The following MED13L variants were observed in gnomAD, a reference collection of about 807,000 sequenced individuals.
MED13L encodes mediator of RNA polymerase II transcription subunit 13-like.
A neutral mutation model predicts 220.9 loss-of-function variants in MED13L; 7 were observed. The observed-to-expected ratio is 0.03, with a 90% CI of 0.02 to 0.06. The LOEUF (loss-of-function observed/expected upper bound fraction) is 0.06. MED13L is among the 10% of genes least tolerant of loss of function. The pLI, the probability that MED13L is intolerant of heterozygous loss-of-function variation, is 1.00. For synonymous variants in MED13L, 1,011 were observed against 1,015.2 expected, an observed-to-expected ratio of 1.00 and a Z score of 0.08; for missense variants, 1,965 against 2,760.5, an observed-to-expected ratio of 0.71 and a Z score of 6.46.
intron 3 of MED13L, chr12:116,110,399 T>C (rs1156882134): frequency 6.6e-6 from 1 of 150,418 alleles, no homozygotes; most frequent in Non-Finnish European, 1.5e-5. Flanking sequence ...GGAAATAAAA[T>C]GCAAGAAAAT....
At position 115,966,259 on chromosome 12, in the gene MED13L, C is replaced by T. The variant is rs764199219; in HGVS notation, c.6226-16G>A. The T allele has an allele frequency of 4.3e-6, 7 of 1,613,910 alleles. No individual in the cohort carries two copies. Among genetic ancestry groups the T allele is most frequent in the South Asian group, 3.3e-5 (3 of 91,068 alleles). On this transcript the variant is annotated splice_polypyrimidine_tract_variant and intron_variant, in intron 28 of 30. Transcript: ENST00000281928. Reference sequence around the variant, plus strand: ...CACCCTGGCTCTGAAAAACAAAAATCCCAAAAACATGATCAGCATTTATCT... The same window carrying T: ...CACCCTGGCTCTGAAAAACAAAAATTCCAAAAACATGATCAGCATTTATCT...
chr12:116,277,456 T>C lies in MED13L; in HGVS notation c.-325A>G. On this transcript the variant is annotated 5_prime_UTR_variant, in exon 1 of 31. Coordinates refer to ENST00000281928, the MANE Select transcript of MED13L (RefSeq NM_015335.5). Reference sequence around the variant, plus strand: ...GCCTTGTTTATCTCCAGCCACCGACTCCCCCTCGGCCCCCGCCGGCGCGCG... The same window carrying C: ...GCCTTGTTTATCTCCAGCCACCGACCCCCCCTCGGCCCCCGCCGGCGCGCG... 2 of 95,476 alleles carry C rather than the reference T, an allele frequency of 2.1e-5. No individual in the cohort carries two copies. The highest frequency in any genetic ancestry group is 4.3e-5 in the Non-Finnish European group (2 of 46,340). 5.9% of individuals were successfully genotyped at this position (95,476 alleles called of 1,614,324 possible).
chr12:116,119,822 A>ATATAT (rs1874849888), intron 2 of MED13L, among the ~76,000 whole-genome samples: 1 of 104,140 alleles, frequency 9.6e-6, no homozygotes, highest in East Asian at 2.9e-4. Context: ...AAAAAAAAAA[A>ATATAT]AAAAAAAAAA....
chr12:116,168,773 G>A (rs1879467560), intron 2 of MED13L, among the ~76,000 whole-genome samples: 1 of 151,946 alleles, frequency 6.6e-6, no homozygotes. Flanking sequence ...CAAACTCCTT[G>A]GTTTTGGGAT....
At chr12:116,214,776 G>A (rs1882900518) in intron 2 of MED13L, among the ~76,000 whole-genome samples, 1 of 152,068 alleles carries the variant, frequency 6.6e-6, no homozygotes, top group South Asian at 2.1e-4. Flanking sequence ...TAAACTCACT[G>A]CAATTTCTAT....
At chr12:116,258,584 C>G (rs1201214720) in intron 1 of MED13L, among the ~76,000 whole-genome samples, 1 of 152,002 alleles carries the variant, frequency 6.6e-6, no homozygotes, top group African/African-American at 2.4e-5. Flanking sequence ...CGAGACCAGC[C>G]TGGTCAACAT....
chr12:116,148,604 G>T, intron 2 of MED13L: 1 of 178,000 alleles, frequency 5.6e-6, no homozygotes, highest in Non-Finnish European at 1.2e-5. Context: ...TATATATGGA[G>T]ATATCTATAT....
intron 5 of MED13L, among the ~76,000 whole-genome samples, chr12:116,021,721 T>C (rs976116480): frequency 2.6e-5 from 4 of 152,160 alleles, no homozygotes; most frequent in Non-Finnish European, 4.4e-5. Flanking sequence ...TAATGACATA[T>C]TAGACTGAAC....
At chr12:116,268,187 T>C (rs1374066694) in intron 1 of MED13L, among the ~76,000 whole-genome samples, 1 of 150,560 alleles carries the variant, frequency 6.6e-6, no homozygotes, top group Non-Finnish European at 1.5e-5. Flanking sequence ...CAGAGGGAGG[T>C]AGGGGGTAAC....
chr12:116,162,395 A>C (rs947431600), intron 2 of MED13L, among the ~76,000 whole-genome samples: 5 of 152,336 alleles, frequency 3.3e-5, no homozygotes, highest in Middle Eastern at 3.4e-3. Context: ...TAACTAAATG[A>C]GTTTTAATTT....
intron 2 of MED13L, among the ~76,000 whole-genome samples, chr12:116,120,463 TCTCTCTCTCTCTCTCACACACACACA>T (rs1157640555): frequency 7.2e-6 from 1 of 138,926 alleles, no homozygotes; most frequent in African/African-American, 2.7e-5. Flanking sequence ...TCTCTCTCTC[TCTCTCTCTCTCTCTCACACACACACA>T]CACACACACA....
chr12:116,070,718 A>T (rs1368653008), intron 4 of MED13L, among the ~76,000 whole-genome samples: 3 of 152,230 alleles, frequency 2.0e-5, no homozygotes, highest in Non-Finnish European at 2.9e-5. Context: ...GACAGCATAT[A>T]AAGTACACAA....
intron 2 of MED13L, among the ~76,000 whole-genome samples, chr12:116,122,087 G>A (rs756656650): frequency 5.3e-5 from 8 of 151,688 alleles, no homozygotes; most frequent in Non-Finnish European, 1.0e-4. Flanking sequence ...CATATAAAAC[G>A]CATCGTAGTG....
At position 116,015,262 on chromosome 12, in the gene MED13L, C is replaced by T; in HGVS notation, c.1022G>A (p.Gly341Asp). Residue 341 changes from glycine to aspartate, a missense_variant, in exon 8 of 31, where the codon GGT (glycine) becomes GAT (aspartate). Gly to Asp is a moderately conservative substitution (Grantham distance 94). Transcript: ENST00000281928. ...PEQAILGESG[G>D]MQSAASHLVS... ...CAGGTGACTGGCAGCACTCTGCATA[C>T]CTCCACTCTCACCTGAAAAAAAAGG... 1 of 1,613,788 alleles carries T rather than the reference C, an allele frequency of 6.2e-7. No homozygotes were observed. The highest frequency in any genetic ancestry group is 8.5e-7 in the Non-Finnish European group (1 of 1,179,782).
At chr12:116,231,247 A>T (rs1378855755) in intron 2 of MED13L, among the ~76,000 whole-genome samples, 1 of 152,214 alleles carries the variant, frequency 6.6e-6, no homozygotes, top group African/African-American at 2.4e-5. Context: ...GGATATCTTT[A>T]CACTGGAGAA....
In MED13L at chr12:115,959,863, G is replaced by A. The variant is rs968682493; in HGVS notation, c.*1403C>T. The A allele has an allele frequency of 6.6e-6, 1 of 152,438 alleles. No individual in the cohort carries two copies. Among genetic ancestry groups the A allele is most frequent in the African/African-American group, 2.4e-5 (1 of 41,372 alleles). The allele number at this position is 152,438 out of a possible 1,614,324, so 9.4% of individuals were successfully genotyped here. A position where few individuals can be genotyped will look rare whatever the true frequency, so the allele number is the denominator to read the frequency against. ...TTTTGTTAATAACCAGGACATGGAA[G>A]TCTCTTGGAAGAACTTTTAAAATTT... On this transcript the variant is annotated 3_prime_UTR_variant, in exon 31 of 31. Transcript: ENST00000281928.
chr12:116,080,640 TC>T (rs1161186548), intron 4 of MED13L, among the ~76,000 whole-genome samples: 1 of 152,222 alleles, frequency 6.6e-6, no homozygotes, highest in East Asian at 1.9e-4. Context: ...TTCAATGAAG[TC>T]AAATATTTGT....
chr12:116,121,621 T>C (rs996239840), intron 2 of MED13L, among the ~76,000 whole-genome samples: 1 of 152,184 alleles, frequency 6.6e-6, no homozygotes, highest in African/African-American at 2.4e-5. Flanking sequence ...CACCCAGCCT[T>C]ACACAGTTTA....
chr12:116,227,924 AT>A (rs748754142), intron 2 of MED13L, among the ~76,000 whole-genome samples: 6 of 152,224 alleles, frequency 3.9e-5, no homozygotes, highest in African/African-American at 7.2e-5. Flanking sequence ...TGCAAAAAAA[AT>A]AAATAAATAA....
Sources: allele counts gnomAD v4.1 joint callset (sites outside exome capture counted in the v4.1 genomes callset), GRCh38; gene constraint gnomAD v4.1.1; transcripts MANE v1.5; gene names NCBI Gene and HGNC (gene_info 2026-07-23, HGNC 2026-07-21).